Variants in MAP2K5 observed in about 807,000 individuals in gnomAD.
MAP2K5 encodes the protein mitogen-activated protein kinase kinase 5.
Under a neutral mutation model 83.1 loss-of-function variants are expected in MAP2K5, and 49 were observed. The ratio of observed to expected loss-of-function variants is 0.59; its 90% CI spans 0.47 to 0.75. MAP2K5 has a LOEUF of 0.75. MAP2K5 is among the 30% of genes least tolerant of loss of function. The pLI is 0.00. For synonymous variants in MAP2K5, 202 were observed against 191.8 expected (o/e 1.05, Z -0.44); for missense variants, 457 against 557.5 (o/e 0.82, Z 1.82).
intron 19 of MAP2K5, among the ~76,000 whole-genome samples, chr15:67,756,547 G>GTGTGTA: frequency 1.2e-5 from 1 of 80,424 alleles, no homozygotes; most frequent in Non-Finnish European, 2.6e-5. Flanking sequence ...GTGTGTGTGT[G>GTGTGTA]TGTGTGTGTG....
intron 19 of MAP2K5, among the ~76,000 whole-genome samples, chr15:67,765,748 T>G (rs1489131483): frequency 2.0e-5 from 3 of 152,112 alleles, no homozygotes; most frequent in Non-Finnish European, 4.4e-5. Flanking sequence ...GCTCTTTGAG[T>G]GTGCAGGTAC....
intron 8 of MAP2K5, chr15:67,628,791 G>T: frequency 1.3e-6 from 1 of 752,692 alleles, no homozygotes; most frequent in Non-Finnish European, 2.4e-6. Flanking sequence ...GGTTGTGGAG[G>T]TGTTTTTAGT....
chr15:67,682,069 A>C lies in MAP2K5; in HGVS notation c.848-10410A>C, dbSNP rs1028569165. On this transcript the variant is annotated intron_variant, in intron 13 of 21. Coordinates refer to ENST00000178640, the MANE Select transcript of MAP2K5 (RefSeq NM_145160.3). ...TGCCTTCAATTGCTGTTTGTTTTCC[A>C]TAACTTGATATTGCATTAAAATAAG... Among the ~76,000 whole-genome samples, 7 of 152,162 alleles carry C rather than the reference A, an allele frequency of 4.6e-5. No homozygotes were observed. The East Asian group carries it at 1.3e-3, about 29-fold the overall frequency.
intron 17 of MAP2K5, among the ~76,000 whole-genome samples, chr15:67,743,652 G>A (rs2089541381): frequency 6.6e-6 from 1 of 152,174 alleles, no homozygotes. Context: ...TCTCATTGAA[G>A]GCTTTCTGAG....
intron 12 of MAP2K5, among the ~76,000 whole-genome samples, chr15:67,660,668 T>C (rs539863782): frequency 6.6e-6 from 1 of 152,274 alleles, no homozygotes; most frequent in South Asian, 2.1e-4. Context: ...ATGCTTTCTA[T>C]ACAAATATTA....
At chr15:67,557,781 T>A (rs562566522) in intron 2 of MAP2K5, among the ~76,000 whole-genome samples, 61 of 152,302 alleles carry the variant, frequency 4.0e-4, no homozygotes, top group East Asian at 1.5e-3. Flanking sequence ...AATAGTTGGG[T>A]GGGAGCCTCT....
intron 13 of MAP2K5, among the ~76,000 whole-genome samples, chr15:67,671,561 A>G (rs919835911): frequency 2.0e-5 from 3 of 152,220 alleles, no homozygotes; most frequent in Admixed American, 2.0e-4. Context: ...TTAAAGTATC[A>G]GGGACACTGA....
intron 13 of MAP2K5, among the ~76,000 whole-genome samples, chr15:67,684,731 A>C (rs1433112344): frequency 6.6e-6 from 1 of 152,216 alleles, no homozygotes; most frequent in African/African-American, 2.4e-5. Flanking sequence ...AATTCATAGG[A>C]AACATGAGCA....
chr15:67,638,042 A>G lies in MAP2K5; in HGVS notation c.585+7115A>G, dbSNP rs2086641587. ...TTTTACTTTTAATTTTTTAAAAATT[A>G]AAAAAGTTAATTTTTTTAACTTTTA... On this transcript the variant is annotated intron_variant, in intron 9 of 21. Transcript: ENST00000178640. This position sits in a 1 kb window ranked among gnomAD's most constrained non-coding sequence, Gnocchi z 4.5. 6.6e-6 allele frequency among the ~76,000 whole-genome samples: 1 copy of G among 151,960 alleles called. No individual in the cohort carries two copies. Among genetic ancestry groups the G allele is most frequent in the African/African-American group, 2.4e-5 (1 of 41,384 alleles).
chr15:67,596,910 G>A (rs1232766999), intron 7 of MAP2K5, among the ~76,000 whole-genome samples: 4 of 152,136 alleles, frequency 2.6e-5, no homozygotes, highest in Non-Finnish European at 5.9e-5. Context: ...GGTGGCTCAC[G>A]CCTGTAATCC....
chr15:67,803,129 C>T (rs994106911), intron 21 of MAP2K5, among the ~76,000 whole-genome samples: 1 of 152,236 alleles, frequency 6.6e-6, no homozygotes, highest in African/African-American at 2.4e-5. Context: ...TCAGGACAAA[C>T]CTTTGGCAAA....
chr15:67,772,705 A>G lies in MAP2K5; in HGVS notation c.1197-2A>G, dbSNP rs1335151076. 6.2e-7 allele frequency: 1 copy of G among 1,601,876 alleles called. No individual in the cohort carries two copies. The highest frequency in any genetic ancestry group is 1.1e-5 in the South Asian group (1 of 88,830). ...TAAGGGGTTTTTTTCTCTCCACTAT[A>G]GTATGCGAAAACAGCCAAAAGAAAG... is the stretch of plus-strand genomic sequence containing the variant. On this transcript the variant is annotated splice_acceptor_variant, in intron 20 of 21. Coordinates refer to ENST00000178640, the MANE Select transcript of MAP2K5 (RefSeq NM_145160.3). LOFTEE classifies it high-confidence loss of function.
intron 8 of MAP2K5, among the ~76,000 whole-genome samples, chr15:67,615,583 C>T (rs530321094): frequency 2.6e-5 from 4 of 152,084 alleles, no homozygotes; most frequent in African/African-American, 4.8e-5. Flanking sequence ...ACTAAAATTT[C>T]GAAGCTTGGC....
chr15:67,546,090 C>A (rs1171264074), intron 1 of MAP2K5: 1 of 152,300 alleles, frequency 6.6e-6, no homozygotes, highest in African/African-American at 2.4e-5. Context: ...GGACCTGTGG[C>A]AGTGGGTGTT....
chr15:67,772,458 C>T (rs973997818), intron 20 of MAP2K5, among the ~76,000 whole-genome samples: 43 of 152,170 alleles, frequency 2.8e-4, no homozygotes, highest in African/African-American at 1.0e-3. Context: ...ATTTGTGTTG[C>T]AAAATATTTT....
chr15:67,732,020 A>G (rs1438456847), intron 17 of MAP2K5, among the ~76,000 whole-genome samples: 4 of 152,224 alleles, frequency 2.6e-5, no homozygotes, highest in Non-Finnish European at 5.9e-5. Flanking sequence ...CAGAGCCCTC[A>G]CTGACCCCAG....
chr15:67,684,430 A>G (rs1273709519), intron 13 of MAP2K5, among the ~76,000 whole-genome samples: 1 of 152,206 alleles, frequency 6.6e-6, no homozygotes, highest in African/African-American at 2.4e-5. Flanking sequence ...ATCAGCCTCA[A>G]AATGATTCAG....
chr15:67,543,934 A>G lies in MAP2K5; in HGVS notation c.135+464A>G, dbSNP rs1405509321. Among the ~76,000 whole-genome samples, 1 of 152,232 alleles carries G rather than the reference A, an allele frequency of 6.6e-6. No individual in the cohort carries two copies. Among genetic ancestry groups the G allele is most frequent in the Non-Finnish European group, 1.5e-5 (1 of 68,042 alleles). The stretch of plus-strand genomic sequence containing the variant: ...CTGTTTCATTAATTTATTTTGAGAC[A>G]GGGCCTCACTCTGTCGCTCAGGCTG... On this transcript the variant is annotated intron_variant, in intron 1 of 21. Transcript: ENST00000178640. This position sits in a 1 kb window ranked among gnomAD's most constrained non-coding sequence, Gnocchi z 4.3.
rs1280187074 is a variant in MAP2K5 at position 67,768,766 on chromosome 15, C to G, written c.1135-836C>G. ...ATGAGATGACTGTTAAAGTACTCTG[C>G]AGTGTAATTTTATTACATCCTGAGC... On this transcript the variant is annotated intron_variant, in intron 19 of 21. Coordinates refer to ENST00000178640, the MANE Select transcript of MAP2K5 (RefSeq NM_145160.3). The surrounding 1 kb of genome is among the most constrained non-coding windows in gnomAD (Gnocchi z 4.0). Among the ~76,000 whole-genome samples the G allele has an allele frequency of 6.6e-6, 1 of 152,190 alleles. No homozygotes were observed. Among genetic ancestry groups the G allele is most frequent in the Admixed American group, 6.5e-5 (1 of 15,270 alleles).
Sources: gnomAD v4.1 joint callset for allele counts (sites outside exome capture counted in the v4.1 genomes callset) on GRCh38, gnomAD v4.1.1 for gene constraint, Gnocchi (gnomAD v3.1) non-coding constraint, MANE v1.5 for transcripts, NCBI Gene and HGNC (gene_info 2026-07-23, HGNC 2026-07-21) for gene names.